SPAG17: variants seen among roughly 807,000 people sequenced by gnomAD.
SPAG17 encodes sperm associated antigen 17.
Under a neutral mutation model 273.6 loss-of-function variants are expected in SPAG17, and 169 were observed. The observed-to-expected ratio is 0.62, with a 90% CI of 0.55 to 0.70. The LOEUF is 0.70. SPAG17 is among the 30% of genes least tolerant of loss of function. The pLI is 0.00. For synonymous variants in SPAG17, 825 were observed against 873.2 expected (o/e 0.94, Z 0.97); for missense variants, 2,557 against 2,627.8 (o/e 0.97, Z 0.59).
chr1:118,132,518 G>A (rs1367309062), intron 3 of SPAG17, among the ~76,000 whole-genome samples: 5 of 152,088 alleles, frequency 3.3e-5, no homozygotes. Flanking sequence ...AGATATTTTG[G>A]TAACCCATGG....
intron 20 of SPAG17, among the ~76,000 whole-genome samples, chr1:118,051,170 A>G (rs75940532): frequency 0.028 from 4,282 of 152,258 alleles, 101 homozygotes; most frequent in South Asian, 0.07. Flanking sequence ...CAGCAGGGAA[A>G]TGCAAATTAA....
chr1:118,181,048 TAA>T (rs1275834784), intron 1 of SPAG17, among the ~76,000 whole-genome samples: 1 of 151,826 alleles, frequency 6.6e-6, no homozygotes, highest in East Asian at 1.9e-4. Flanking sequence ...CAATTGATAT[TAA>T]GTTAGTATCA....
intron 3 of SPAG17, among the ~76,000 whole-genome samples, chr1:118,148,824 C>T (rs1000470401): frequency 6.6e-6 from 1 of 152,190 alleles, no homozygotes; most frequent in Non-Finnish European, 1.5e-5. Context: ...TACCATGCAG[C>T]TCTGCAGGGG....
chr1:117,968,478 A>ACTT (rs1356295271), intron 46 of SPAG17, among the ~76,000 whole-genome samples: 6 of 152,220 alleles, frequency 3.9e-5, no homozygotes, highest in African/African-American at 1.4e-4. Flanking sequence ...GTGATGAATT[A>ACTT]CTTCAGGAGA....
intron 32 of SPAG17, among the ~76,000 whole-genome samples, chr1:118,001,725 G>A (rs186813541): frequency 1.3e-5 from 2 of 152,110 alleles, no homozygotes; most frequent in African/African-American, 4.8e-5. Context: ...TGCTTTATTA[G>A]TCTTCCTAAT....
chr1:118,012,237 G>T lies in SPAG17; in HGVS notation c.4423C>A (p.Gln1475Lys). 1.2e-6 allele frequency: 2 copies of T among 1,612,680 alleles called. No homozygotes were observed. Among genetic ancestry groups the T allele is most frequent in the Non-Finnish European group, 1.7e-6 (2 of 1,179,222 alleles). The change falls in exon 30 of 49, where the codon CAA becomes AAA. Residue 1475 changes from glutamine (Q) to lysine (K), a missense_variant. By Grantham distance (53) the Gln-to-Lys change is moderately conservative (BLOSUM62 1). Coordinates refer to ENST00000336338, the MANE Select transcript of SPAG17 (RefSeq NM_206996.4). ...AGAAAATAAAACATACTTGTTTCTT[G>T]ATCATCTGGCAGAATAATTTGATCT... ...YEDQIILPDD[Q>K]ETTEGPRTVT... is the part of the protein sequence containing the mutation.
Position 118,039,328 on chromosome 1 carries a change from C to T in SPAG17, c.3283G>A (p.Glu1095Lys). ...CTTTGTTCCTCATCTCCTTCTTCTT[C>T]CTCTTCTAAATAATAATCCCCTTTC... ...EEKGDYYLEE[E>K]EEGDEEQSLE... is the part of the protein sequence containing the mutation. Residue 1095 changes from glutamate to lysine, a missense_variant, in exon 23 of 49, where the codon GAA becomes AAA. Physicochemically the swap from Glu to Lys is moderately conservative, Grantham distance 56. Transcript: ENST00000336338. 1 of 1,613,316 alleles carries T rather than the reference C, an allele frequency of 6.2e-7. No individual in the cohort carries two copies. The highest frequency in any genetic ancestry group is 2.2e-5 in the East Asian group (1 of 44,848).
chr1:118,174,804 G>C (rs929344493), intron 1 of SPAG17, among the ~76,000 whole-genome samples: 1 of 152,072 alleles, frequency 6.6e-6, no homozygotes, highest in Non-Finnish European at 1.5e-5. Flanking sequence ...GAAGGCACTG[G>C]GATGATATAT....
rs766705540 is a variant in SPAG17 at position 117,987,887 on chromosome 1, T to TGAAAG, written c.5622-11_5622-7dup. ...GTTTTGAGGATGCTGTGTGTCTATG[T>TGAAAG]GAAAGGAAAGGAAAGTATGGTGAAA... is the stretch of plus-strand genomic sequence containing the variant. On this transcript the variant is annotated splice_polypyrimidine_tract_variant and splice_region_variant and intron_variant, in intron 39 of 48. Transcript: ENST00000336338. 2.0e-5 allele frequency: 33 copies of TGAAAG among 1,613,688 alleles called. No individual in the cohort carries two copies. The African/African-American group carries it at 3.2e-4, about 16-fold the overall frequency.
At chr1:118,057,932 C>T (rs1256343134) in intron 18 of SPAG17, among the ~76,000 whole-genome samples, 2 of 151,128 alleles carry the variant, frequency 1.3e-5, no homozygotes, top group African/African-American at 2.4e-5. Flanking sequence ...GTAAGTATAA[C>T]CTCTAGCAGA....
chr1:117,987,060 C>T (rs908077226), intron 40 of SPAG17, among the ~76,000 whole-genome samples: 1 of 152,002 alleles, frequency 6.6e-6, no homozygotes, highest in Admixed American at 6.6e-5. Context: ...GCTTTTTTGC[C>T]CTATCATATT....
chr1:118,108,105 G>C (rs1445053936), intron 4 of SPAG17, among the ~76,000 whole-genome samples: 1 of 152,088 alleles, frequency 6.6e-6, no homozygotes, highest in Non-Finnish European at 1.5e-5. Context: ...ACCCTACCCA[G>C]TGCATTCTGC....
At chr1:118,110,446 A>G (rs1438077258) in intron 4 of SPAG17, among the ~76,000 whole-genome samples, 1 of 152,186 alleles carries the variant, frequency 6.6e-6, no homozygotes, top group African/African-American at 2.4e-5. Context: ...TGTATTTTCT[A>G]TGTAGTCTAT....
At chr1:118,033,599 C>T (rs906465744) in intron 24 of SPAG17, among the ~76,000 whole-genome samples, 1 of 152,196 alleles carries the variant, frequency 6.6e-6, no homozygotes, top group Non-Finnish European at 1.5e-5. Flanking sequence ...TAAAATTATG[C>T]TCCTAAAGTA....
At chr1:117,986,918 C>T (rs964738666) in intron 40 of SPAG17, among the ~76,000 whole-genome samples, 15 of 152,182 alleles carry the variant, frequency 9.9e-5, no homozygotes, top group Non-Finnish European at 8.8e-5. Context: ...GCTCATAAGA[C>T]TCTCTCATGA....
At chr1:117,983,386 A>G (rs1557865397) in intron 42 of SPAG17, among the ~76,000 whole-genome samples, 1 of 152,228 alleles carries the variant, frequency 6.6e-6, no homozygotes, top group Non-Finnish European at 1.5e-5. Flanking sequence ...GTTGCATTAC[A>G]TGAGAACTCA....
intron 7 of SPAG17, among the ~76,000 whole-genome samples, chr1:118,095,585 T>G (rs1327782828): frequency 6.6e-6 from 1 of 152,192 alleles, no homozygotes; most frequent in Non-Finnish European, 1.5e-5. Context: ...AATTTGTGGA[T>G]GTGGGTTTTA....
intron 7 of SPAG17, among the ~76,000 whole-genome samples, chr1:118,096,917 C>A (rs1431705297): frequency 6.6e-6 from 1 of 152,084 alleles, no homozygotes; most frequent in Non-Finnish European, 1.5e-5. Flanking sequence ...TTAGGATAGA[C>A]CTTCTTGGCC....
intron 4 of SPAG17, 102 bp downstream of exon 4, chr1:118,115,208 T>C (rs576303447): frequency 7.1e-7 from 1 of 1,405,798 alleles, no homozygotes; most frequent in African/African-American, 1.4e-5. Context: ...CAGGTAACAC[T>C]TAATGGTAGG....
Sources: allele counts gnomAD v4.1 joint callset (sites outside exome capture counted in the v4.1 genomes callset), GRCh38; gene constraint gnomAD v4.1.1; transcripts MANE v1.5; gene names NCBI Gene and HGNC (gene_info 2026-07-23, HGNC 2026-07-21).